Variants in CES5A observed in about 807,000 individuals in gnomAD.
CES5A encodes the protein carboxylesterase 5.
Under a neutral mutation model 62.9 loss-of-function variants are expected in CES5A, and 67 were observed. The observed-to-expected ratio is 1.07, with a 90% CI of 0.88 to 1.31. The LOEUF (loss-of-function observed/expected upper bound fraction) is 1.31. Ranked by LOEUF, CES5A falls within the 50% of genes most tolerant of loss-of-function variation. The pLI, the probability that CES5A is intolerant of heterozygous loss-of-function variation, is 0.00. For synonymous variants in CES5A, 296 were observed against 280.8 expected, an observed-to-expected ratio of 1.05 and a Z score of -0.54; for missense variants, 748 against 708.5, an observed-to-expected ratio of 1.06 and a Z score of -0.63.
At chr16:55,871,793 A>G (rs757390984) in intron 2 of CES5A, 30 bp from the exon 3 acceptor site, 52 of 1,610,386 alleles carry the variant, frequency 3.2e-5, no homozygotes, top group Non-Finnish European at 4.2e-5. Flanking sequence ...AAACCCTCAG[A>G]AAAAGTTATC....
chr16:55,902,926 T>C (rs190066345), intron 1 of CES5A, among the ~76,000 whole-genome samples: 1 of 151,626 alleles, frequency 6.6e-6, no homozygotes, highest in East Asian at 1.9e-4. Context: ...AATATGGAAA[T>C]AGGAGAGATC....
At chr16:55,858,862 TCA>T in intron 8 of CES5A, among the ~76,000 whole-genome samples, 1 of 152,210 alleles carries the variant, frequency 6.6e-6, no homozygotes, top group Non-Finnish European at 1.5e-5. Flanking sequence ...CACCTGGGCC[TCA>T]GCTCAACAAT....
At chr16:55,869,219 C>T (rs1176176493) in intron 4 of CES5A, among the ~76,000 whole-genome samples, 5 of 152,174 alleles carry the variant, frequency 3.3e-5, no homozygotes, top group African/African-American at 1.2e-4. Flanking sequence ...ACAAGTGCCA[C>T]CTGCAGGCTG....
At chr16:55,946,557 C>T (rs1401778299) in intron 2 of CES5A, among the ~76,000 whole-genome samples, 1 of 152,210 alleles carries the variant, frequency 6.6e-6, no homozygotes, top group Non-Finnish European at 1.5e-5. Flanking sequence ...CCTCACTAAC[C>T]TGAAACATAC....
Position 55,856,406 on chromosome 16 carries a change from G to T in CES5A, c.1096C>A (p.Leu366Ile), listed in dbSNP as rs144739972. ...PEILSGSNKS[L>I]ALHLIQNILH... Reference sequence around the variant, plus strand: ...ATGTTTTGTATCAGATGGAGGGCAAGGGACTTGTTGGAGCCACTGAGGATC... The same window carrying T: ...ATGTTTTGTATCAGATGGAGGGCAATGGACTTGTTGGAGCCACTGAGGATC... The change falls in exon 9 of 13, where the codon CTT becomes ATT. Residue 366 changes from leucine to isoleucine, a missense_variant. By Grantham distance (5) the Leu-to-Ile change is conservative. Coordinates refer to ENST00000290567, the MANE Select transcript of CES5A (RefSeq NM_001143685.2). 1 of 1,614,106 alleles carries T rather than the reference G, an allele frequency of 6.2e-7. No homozygotes were observed. Among genetic ancestry groups the T allele is most frequent in the African/African-American group, 1.3e-5 (1 of 75,044 alleles).
intron 1 of CES5A, among the ~76,000 whole-genome samples, chr16:55,907,384 C>G (rs1275958839): frequency 2.0e-5 from 3 of 152,206 alleles, no homozygotes; most frequent in Admixed American, 2.0e-4. Flanking sequence ...GTTCATGAAG[C>G]CACTGTATAG....
chr16:55,857,158 G>C (rs771560416), intron 8 of CES5A, among the ~76,000 whole-genome samples: 1 of 152,156 alleles, frequency 6.6e-6, no homozygotes, highest in Non-Finnish European at 1.5e-5. Context: ...GAAAACACAG[G>C]CTCCCTGAGC....
chr16:55,890,142 T>A (rs2142432014), intron 1 of CES5A, among the ~76,000 whole-genome samples: 1 of 151,564 alleles, frequency 6.6e-6, no homozygotes, highest in South Asian at 2.1e-4. Flanking sequence ...ATATTTTCCA[T>A]CAGGCTGAGA....
intron 7 of CES5A, among the ~76,000 whole-genome samples, chr16:55,860,991 C>CT (rs1330516344): frequency 5.3e-5 from 8 of 152,352 alleles, no homozygotes; most frequent in Admixed American, 5.2e-4. Context: ...GGGCATCTCA[C>CT]TACCTTCTAA....
chr16:55,891,755 T>C (rs1815988), intron 1 of CES5A, among the ~76,000 whole-genome samples: 152,191 of 152,296 alleles, frequency 1, 76,043 homozygotes, highest in Non-Finnish European at 1. Context: ...GTTTTGGGGG[T>C]CCATGATATT....
chr16:55,873,053 G>A (rs1157512402), intron 2 of CES5A, among the ~76,000 whole-genome samples: 1 of 152,072 alleles, frequency 6.6e-6, no homozygotes, highest in Non-Finnish European at 1.5e-5. Context: ...TGTGGCTTAG[G>A]GAATATCCTG....
In CES5A at chr16:55,846,505, A is replaced by G; in HGVS notation, c.1674T>C (p.Ser558=). The change falls in exon 13 of 13, where the codon TCT becomes TCC. Residue 558 remains serine, a synonymous_variant. Transcript: ENST00000290567. ...SASDMLHSPL[S]SLTFLSLLQP... ...GGAGGAGAGAGAGGAAAGTTAAGGAAGAAAGAGGACTGTGGAGCATGTCGG... is the reference window on the plus strand; with the variant it reads ...GGAGGAGAGAGAGGAAAGTTAAGGAGGAAAGAGGACTGTGGAGCATGTCGG... The G allele has an allele frequency of 6.2e-7, 1 of 1,614,154 alleles. No individual in the cohort carries two copies. Among genetic ancestry groups the G allele is most frequent in the Non-Finnish European group, 8.5e-7 (1 of 1,180,004 alleles).
chr16:55,876,111 C>A (rs2033689903), upstream of CES5A, among the ~76,000 whole-genome samples: 1 of 152,216 alleles, frequency 6.6e-6, no homozygotes, highest in Non-Finnish European at 1.5e-5. Context: ...TGTCTTCCTC[C>A]TTGGAGTACA....
upstream of CES5A, among the ~76,000 whole-genome samples, chr16:55,930,064 C>T (rs1349892256): frequency 6.6e-6 from 1 of 152,100 alleles, no homozygotes; most frequent in Non-Finnish European, 1.5e-5. Context: ...ACCTCTTTGT[C>T]CCAATCACTA....
chr16:55,922,523 C>T (rs1470448185), intron 1 of CES5A, among the ~76,000 whole-genome samples: 2 of 151,880 alleles, frequency 1.3e-5, no homozygotes, highest in African/African-American at 4.8e-5. Flanking sequence ...GTATCCAGTA[C>T]CAGAGCTCCC....
chr16:55,939,533 C>G lies in CES5A; in HGVS notation c.160+10252G>C, dbSNP rs1441106741. On this transcript the variant is annotated intron_variant, in intron 2 of 13. Coordinates refer to the CES5A transcript ENST00000521992. ...ATTCTAGGACCAGAAGATGACATGG[C>G]CCCCTGACACCCTGATGTGGTCATT... Among the ~76,000 whole-genome samples the G allele has an allele frequency of 2.0e-5, 3 of 152,038 alleles. No homozygotes were observed. The South Asian group carries it at 6.2e-4, about 32-fold the overall frequency.
In CES5A at chr16:55,846,376, C is replaced by T; in HGVS notation, c.*75G>A. On this transcript the variant is annotated 3_prime_UTR_variant, in exon 13 of 13. Transcript: ENST00000290567. ...AGGATCCCCATAGAAAGCAGCTGAGCTCAGAAAGAAGCTAATGATTGCGGG... is the reference window on the plus strand; with the variant it reads ...AGGATCCCCATAGAAAGCAGCTGAGTTCAGAAAGAAGCTAATGATTGCGGG... 8.6e-7 allele frequency: 1 copy of T among 1,166,284 alleles called. No homozygotes were observed. Among genetic ancestry groups the T allele is most frequent in the Non-Finnish European group, 1.3e-6 (1 of 791,976 alleles). The allele number at this position is 1,166,284 out of a possible 1,614,324, so 72.2% of individuals were successfully genotyped here.
upstream of CES5A, among the ~76,000 whole-genome samples, chr16:55,878,284 G>A (rs2033719145): frequency 6.6e-6 from 1 of 151,988 alleles, no homozygotes; most frequent in East Asian, 1.9e-4. Flanking sequence ...AACCTTGAAG[G>A]TACAAGAGCA....
At position 55,899,143 on chromosome 16, in the gene CES5A, A is replaced by C. The variant is rs116938827; in HGVS notation, c.-255-25106T>G. Among the ~76,000 whole-genome samples the C allele has an allele frequency of 7.9e-3, 1,197 of 152,270 alleles. 28 individuals are homozygous for C. Among genetic ancestry groups the C allele is most frequent in the Admixed American group, 0.052 (803 of 15,302 alleles). Reference sequence around the variant, plus strand: ...ACCTATCTGGAGACCTTTCTGTTTAAGTGCCTGCCCTAGGTCCTGATGCTA... The same window carrying C: ...ACCTATCTGGAGACCTTTCTGTTTACGTGCCTGCCCTAGGTCCTGATGCTA... On this transcript the variant is annotated intron_variant, in intron 1 of 12. Transcript: ENST00000518005.
Sources: allele counts gnomAD v4.1 joint callset (sites outside exome capture counted in the v4.1 genomes callset), GRCh38; gene constraint gnomAD v4.1.1; transcripts MANE v1.5; gene names NCBI Gene and HGNC (gene_info 2026-07-23, HGNC 2026-07-21).